Variants in WDR41 observed in about 807,000 individuals in gnomAD.
WDR41 encodes the protein WD repeat-containing protein 41.
A neutral mutation model predicts 69.3 loss-of-function variants in WDR41; 63 were observed. The observed-to-expected ratio is 0.91, with a 90% confidence interval of 0.74 to 1.12. The LOEUF (loss-of-function observed/expected upper bound fraction) is 1.12. Among genes scored for constraint, WDR41 ranks in the 50% most tolerant of loss-of-function variants. The pLI, the probability that WDR41 is intolerant of heterozygous loss-of-function variation, is 0.00. For synonymous variants in WDR41, 185 were observed against 192.1 expected, an observed-to-expected ratio of 0.96 and a Z score of 0.31; for missense variants, 543 against 534.5, an observed-to-expected ratio of 1.02 and a Z score of -0.16.
At chr5:77,590,579 A>T (rs537956406) in intron 1 of WDR41, among the ~76,000 whole-genome samples, 70 of 152,302 alleles carry the variant, frequency 4.6e-4, no homozygotes, top group African/African-American at 1.7e-3. Flanking sequence ...ACAAAGAGGA[A>T]GATGCAGAGG....
chr5:77,539,518 G>A (rs1743051464), intron 1 of WDR41, among the ~76,000 whole-genome samples: 1 of 152,088 alleles, frequency 6.6e-6, no homozygotes, highest in Admixed American at 6.6e-5. Flanking sequence ...TCTAGGGGGT[G>A]TACTTTGAAT....
chr5:77,579,030 A>G, intron 1 of WDR41, among the ~76,000 whole-genome samples: 1 of 152,080 alleles, frequency 6.6e-6, no homozygotes, highest in Non-Finnish European at 1.5e-5. Flanking sequence ...CAGAGGTTCC[A>G]TAATAGATTT....
chr5:77,542,191 G>A (rs186837635), intron 1 of WDR41, among the ~76,000 whole-genome samples: 1 of 152,278 alleles, frequency 6.6e-6, no homozygotes, highest in East Asian at 1.9e-4. Context: ...AATACTACAT[G>A]TTCTCACTTG....
intron 1 of WDR41, among the ~76,000 whole-genome samples, chr5:77,605,524 G>A (rs995142861): frequency 2.0e-5 from 3 of 152,108 alleles, no homozygotes; most frequent in Non-Finnish European, 2.9e-5. Flanking sequence ...TTTGCTCTAC[G>A]GGACCAAAAG....
chr5:77,515,634 T>A (rs1441360610), intron 1 of WDR41, among the ~76,000 whole-genome samples: 2 of 152,226 alleles, frequency 1.3e-5, no homozygotes, highest in Non-Finnish European at 2.9e-5. Context: ...CTGCTTTGTT[T>A]ACACCAGCAT....
Position 77,459,119 on chromosome 5 carries a change from C to A in WDR41, c.354G>T (p.Trp118Cys). 1 of 1,592,326 alleles carries A rather than the reference C, an allele frequency of 6.3e-7. No individual in the cohort carries two copies. The highest frequency in any genetic ancestry group is 1.1e-5 in the South Asian group (1 of 88,006). ...GAACTTGTCTGGTAGTATCACCATCCCACACCTAAATTTATGTTAAGAAAT... is the reference window on the plus strand; with the variant it reads ...GAACTTGTCTGGTAGTATCACCATCACACACCTAAATTTATGTTAAGAAAT... ...TASADRTVIV[W>C]DGDTTRQVQR... Residue 118 changes from tryptophan to cysteine, a missense_variant, in exon 5 of 13, where the codon TGG (tryptophan) becomes TGT (cysteine). Coordinates refer to ENST00000296679, the MANE Select transcript of WDR41 (RefSeq NM_018268.4).
At chr5:77,438,393 A>G (rs1218642812) in intron 9 of WDR41, 32 bp from the exon 10 acceptor site, 1 of 1,611,548 alleles carries the variant, frequency 6.2e-7, no homozygotes, top group Non-Finnish European at 8.5e-7. Flanking sequence ...TGGGCATAAA[A>G]CTAGCACTCA....
At chr5:77,505,099 A>G (rs574947652) in intron 1 of WDR41, among the ~76,000 whole-genome samples, 1 of 152,332 alleles carries the variant, frequency 6.6e-6, no homozygotes, top group South Asian at 2.1e-4. Context: ...CTGTTTGCAG[A>G]TGACATGATT....
chr5:77,524,234 G>A (rs944097327), intron 1 of WDR41, among the ~76,000 whole-genome samples: 1 of 152,076 alleles, frequency 6.6e-6, no homozygotes, highest in Non-Finnish European at 1.5e-5. Context: ...TTATTACATT[G>A]GGAATTTTAT....
At chr5:77,492,631 C>T (rs1054760461), upstream of WDR41, 11 of 195,358 alleles carry the variant, frequency 5.6e-5, no homozygotes, top group Admixed American at 6.7e-4. Context: ...AATAATGCCC[C>T]TCCCTGTGAC....
In WDR41 at chr5:77,592,871, C is replaced by T. The variant is rs1175654011; in HGVS notation, c.42+27608G>A. Among the ~76,000 whole-genome samples, 4 of 152,132 alleles carry T rather than the reference C, an allele frequency of 2.6e-5. No individual in the cohort carries two copies. The South Asian group carries it at 6.2e-4, about 24-fold the overall frequency. ...GACCTTAGCTAATCAGTTTCCAGTC[C>T]CTCCACCTCAGAGGTCAAACTAATG... On this transcript the variant is annotated intron_variant, in intron 1 of 5. Coordinates refer to the WDR41 transcript ENST00000509971.
intron 1 of WDR41, among the ~76,000 whole-genome samples, chr5:77,540,811 A>G (rs1743075625): frequency 6.6e-6 from 1 of 152,196 alleles, no homozygotes; most frequent in East Asian, 1.9e-4. Context: ...TTCCAACAAA[A>G]TTGTATAAAA....
chr5:77,461,609 G>T (rs538143925), intron 4 of WDR41, among the ~76,000 whole-genome samples: 1 of 152,144 alleles, frequency 6.6e-6, no homozygotes, highest in East Asian at 1.9e-4. Flanking sequence ...ATGCCAAGGC[G>T]GGCAGATCAC....
At chr5:77,567,663 TAAAAAAAAAA>T (rs60723638) in intron 1 of WDR41, among the ~76,000 whole-genome samples, 3 of 106,392 alleles carry the variant, frequency 2.8e-5, no homozygotes, top group African/African-American at 1.0e-4. Context: ...AACCAAATAG[TAAAAAAAAAA>T]AAAAAAAAAA....
At chr5:77,453,716 T>G (rs1259187379) in intron 6 of WDR41, 101 bp downstream of exon 6, 3 of 848,412 alleles carry the variant, frequency 3.5e-6, no homozygotes, top group Non-Finnish European at 5.7e-6. Context: ...AAAAGAAAAA[T>G]CCCCTATATT....
chr5:77,614,492 T>C (rs1744634339), intron 1 of WDR41, among the ~76,000 whole-genome samples: 1 of 151,212 alleles, frequency 6.6e-6, no homozygotes, highest in Admixed American at 6.6e-5. Flanking sequence ...TCATGTCCTT[T>C]GTAGGGACAT....
Position 77,487,846 on chromosome 5 carries a change from T to C in WDR41, c.167+1611A>G, listed in dbSNP as rs548234383. 2.0e-5 allele frequency among the ~76,000 whole-genome samples: 3 copies of C among 152,306 alleles called. No homozygotes were observed. In the East Asian group the frequency reaches 5.8e-4, roughly 29 times the overall value. ...AGATTGAGTTCAATTATGTGACCAA[T>C]GATTCAAACAATCATGCCTACTAAT... On this transcript the variant is annotated intron_variant, in intron 2 of 12. Transcript: ENST00000296679.
intron 1 of WDR41, among the ~76,000 whole-genome samples, chr5:77,566,834 C>A (rs1414952691): frequency 5.9e-5 from 9 of 152,032 alleles, no homozygotes; most frequent in Non-Finnish European, 8.8e-5. Flanking sequence ...CATGTCTGGG[C>A]CTGGGGGTCT....
chr5:77,558,094 T>TAAAAAAAAAAAAAAAAA (rs71608105), intron 1 of WDR41, among the ~76,000 whole-genome samples: 3 of 104,306 alleles, frequency 2.9e-5, no homozygotes, highest in African/African-American at 1.1e-4. Flanking sequence ...ATGTTCTTTT[T>TAAAAAAAAAAAAAAAAA]AAAAAAAAAA....
Sources: gnomAD v4.1 joint callset for allele counts (sites outside exome capture counted in the v4.1 genomes callset) on GRCh38, gnomAD v4.1.1 for gene constraint, MANE v1.5 for transcripts, NCBI Gene and HGNC (gene_info 2026-07-23, HGNC 2026-07-21) for gene names.